CTNNA3: variants seen among roughly 807,000 people sequenced by gnomAD.
CTNNA3 encodes catenin alpha-3.
CTNNA3 carries 76 observed loss-of-function variants against 95.7 expected under a neutral mutation model. That is an observed-to-expected ratio of 0.79 (90% CI 0.66 to 0.96). CTNNA3 has a LOEUF of 0.96. Ranked by LOEUF, CTNNA3 falls within the 40% of genes least tolerant of loss-of-function variation. The probability of loss-of-function intolerance (pLI) is 0.00; values close to 1 mark genes in which losing one functional copy is unlikely to be tolerated. For synonymous variants in CTNNA3, 431 were observed against 374.4 expected (o/e 1.15, Z -1.74); for missense variants, 1,191 against 1,089.8 (o/e 1.09, Z -1.31).
At chr10:66,662,653 C>T (rs1846303150) in intron 9 of CTNNA3, among the ~76,000 whole-genome samples, 1 of 152,078 alleles carries the variant, frequency 6.6e-6, no homozygotes, top group South Asian at 2.1e-4. Flanking sequence ...GATCCCATCT[C>T]CTTTTGCCTC....
At chr10:67,451,071 T>C (rs10997647) in intron 5 of CTNNA3, among the ~76,000 whole-genome samples, 12,341 of 152,056 alleles carry the variant, frequency 0.081, 592 homozygotes, top group South Asian at 0.16. Flanking sequence ...AATGGTTTAA[T>C]ACCAACTTTG....
chr10:66,851,796 G>A (rs1325353826), intron 7 of CTNNA3, among the ~76,000 whole-genome samples: 3 of 152,108 alleles, frequency 2.0e-5, no homozygotes, highest in Non-Finnish European at 4.4e-5. Context: ...CTATGAGCCA[G>A]TTAAACCTCT....
chr10:67,388,682 G>C (rs1172824630), intron 5 of CTNNA3, among the ~76,000 whole-genome samples: 1 of 151,730 alleles, frequency 6.6e-6, no homozygotes, highest in African/African-American at 2.4e-5. Context: ...TACCCTCAAA[G>C]GGAAGCCCAT....
chr10:67,469,938 C>T (rs537515579), intron 5 of CTNNA3, among the ~76,000 whole-genome samples: 6 of 152,212 alleles, frequency 3.9e-5, no homozygotes, highest in African/African-American at 1.4e-4. Context: ...CTTTATGTTA[C>T]AAACAATCCA....
chr10:66,976,195 T>G (rs1850020346), intron 7 of CTNNA3, among the ~76,000 whole-genome samples: 1 of 152,162 alleles, frequency 6.6e-6, no homozygotes, highest in African/African-American at 2.4e-5. Context: ...ACTCATGAAA[T>G]AATTATAAGT....
chr10:66,191,813 G>A (rs1410181913), intron 13 of CTNNA3, among the ~76,000 whole-genome samples: 3 of 152,108 alleles, frequency 2.0e-5, no homozygotes, highest in Non-Finnish European at 4.4e-5. Flanking sequence ...CAAAGTTCAT[G>A]TTTTGGAAAA....
chr10:66,988,500 G>A (rs1188306120), intron 7 of CTNNA3, among the ~76,000 whole-genome samples: 1 of 152,046 alleles, frequency 6.6e-6, no homozygotes, highest in Non-Finnish European at 1.5e-5. Flanking sequence ...CAACTTCTGT[G>A]TATTGTGTGT....
intron 13 of CTNNA3, among the ~76,000 whole-genome samples, chr10:66,234,217 A>C (rs2089740268): frequency 6.6e-6 from 1 of 152,072 alleles, no homozygotes; most frequent in Admixed American, 6.5e-5. Flanking sequence ...TTTATTTTAC[A>C]CTTCTTTTTA....
At chr10:66,433,491 G>C (rs1320989865) in intron 11 of CTNNA3, among the ~76,000 whole-genome samples, 1 of 151,620 alleles carries the variant, frequency 6.6e-6, no homozygotes, top group Non-Finnish European at 1.5e-5. Flanking sequence ...TTTTGATGGG[G>C]TTGTTTTTCT....
intron 9 of CTNNA3, among the ~76,000 whole-genome samples, chr10:66,683,463 A>G (rs1226444939): frequency 6.6e-6 from 1 of 152,192 alleles, no homozygotes; most frequent in East Asian, 1.9e-4. Flanking sequence ...ATACACCATC[A>G]TTACTTATAG....
intron 9 of CTNNA3, among the ~76,000 whole-genome samples, chr10:66,629,946 C>A (rs574991013): frequency 1.3e-5 from 2 of 152,304 alleles, no homozygotes; most frequent in Admixed American, 6.5e-5. Context: ...ACACAGAATA[C>A]CTGAAACTTC....
intron 5 of CTNNA3, among the ~76,000 whole-genome samples, chr10:67,235,250 C>T (rs1338399273): frequency 6.6e-6 from 1 of 150,672 alleles, no homozygotes; most frequent in Non-Finnish European, 1.5e-5. Context: ...ATCACACTAC[C>T]TGACTTCAAA....
chr10:66,944,066 T>C (rs2132693158), intron 7 of CTNNA3, among the ~76,000 whole-genome samples: 1 of 152,266 alleles, frequency 6.6e-6, no homozygotes, highest in Middle Eastern at 3.4e-3. Context: ...GGATGTCTGC[T>C]GCATTGGTTG....
intron 5 of CTNNA3, among the ~76,000 whole-genome samples, chr10:67,262,250 G>T (rs1866647457): frequency 6.6e-6 from 1 of 152,186 alleles, no homozygotes; most frequent in South Asian, 2.1e-4. Flanking sequence ...TAAATAATAA[G>T]ATACATCATC....
intron 16 of CTNNA3, among the ~76,000 whole-genome samples, chr10:65,977,295 C>A (rs903188980): frequency 2.0e-5 from 3 of 151,910 alleles, no homozygotes; most frequent in Non-Finnish European, 2.9e-5. Flanking sequence ...CCAGTTTTCA[C>A]GTTTCTACCA....
intron 9 of CTNNA3, among the ~76,000 whole-genome samples, chr10:66,748,432 C>T (rs964234503): frequency 3.3e-5 from 5 of 152,084 alleles, no homozygotes; most frequent in African/African-American, 1.2e-4. Context: ...TGGCTGCTTT[C>T]CTAGGTATAT....
intron 10 of CTNNA3, among the ~76,000 whole-genome samples, chr10:66,607,013 TAA>T (rs1355682521): frequency 6.6e-6 from 1 of 151,846 alleles, no homozygotes; most frequent in Non-Finnish European, 1.5e-5. Flanking sequence ...AAAAAATTAA[TAA>T]GTTAGATAGA....
intron 5 of CTNNA3, among the ~76,000 whole-genome samples, chr10:67,232,418 A>G (rs11527208): frequency 1.4e-3 from 210 of 152,096 alleles, no homozygotes; most frequent in African/African-American, 4.7e-3. Context: ...ACTAAGCTTC[A>G]TAAGTGAAGG....
chr10:66,262,222 G>A (rs1589884978), intron 13 of CTNNA3, among the ~76,000 whole-genome samples: 1 of 152,136 alleles, frequency 6.6e-6, no homozygotes, highest in East Asian at 1.9e-4. Flanking sequence ...CAAGGATTTT[G>A]AGATAGGCAA....
Sources: allele counts gnomAD v4.1 joint callset (sites outside exome capture counted in the v4.1 genomes callset), GRCh38; gene constraint gnomAD v4.1.1; transcripts MANE v1.5; gene names NCBI Gene and HGNC (gene_info 2026-07-23, HGNC 2026-07-21).